The following LONP2 variants were observed in gnomAD, a reference collection of about 807,000 sequenced individuals.
The protein encoded by LONP2 is lon protease homolog 2, peroxisomal.
Under a neutral mutation model 85.6 loss-of-function variants are expected in LONP2, and 60 were observed. The observed-to-expected ratio is 0.70, with a 90% CI of 0.57 to 0.87. The LOEUF is 0.87. LONP2 is among the 40% of genes least tolerant of loss of function. The pLI, the probability that LONP2 is intolerant of heterozygous loss-of-function variation, is 0.00. For synonymous variants in LONP2, 395 were observed against 389.7 expected (o/e 1.01, Z -0.16); for missense variants, 860 against 1,063.5 (o/e 0.81, Z 2.66).
intron 6 of LONP2, among the ~76,000 whole-genome samples, chr16:48,263,224 A>G (rs1002767949): frequency 6.6e-6 from 1 of 152,172 alleles, no homozygotes; most frequent in Non-Finnish European, 1.5e-5. Flanking sequence ...AACATTGAAC[A>G]TAAGGTCTAA....
intron 6 of LONP2, among the ~76,000 whole-genome samples, chr16:48,264,430 T>C (rs556174793): frequency 1.3e-5 from 2 of 152,300 alleles, no homozygotes; most frequent in East Asian, 1.9e-4. Context: ...AGAAGAGAAA[T>C]ATGGCTCTGT....
chr16:48,293,714 A>G (rs943957841), intron 8 of LONP2, among the ~76,000 whole-genome samples: 6 of 152,116 alleles, frequency 3.9e-5, no homozygotes, highest in Admixed American at 6.5e-5. Flanking sequence ...GAGAACAGAT[A>G]CGTATGGGTA....
intron 8 of LONP2, among the ~76,000 whole-genome samples, chr16:48,285,479 T>C (rs1367863633): frequency 2.6e-5 from 4 of 152,252 alleles, no homozygotes; most frequent in Non-Finnish European, 5.9e-5. Context: ...GTGTTGGTAA[T>C]CTTTGTGGAG....
At chr16:48,324,016 T>C (rs1163728337) in intron 11 of LONP2, among the ~76,000 whole-genome samples, 1 of 152,216 alleles carries the variant, frequency 6.6e-6, no homozygotes, top group African/African-American at 2.4e-5. Context: ...GCTGGGAAGA[T>C]GTTGTTTTGG....
chr16:48,248,974 G>T (rs1971550044), intron 1 of LONP2, among the ~76,000 whole-genome samples: 1 of 151,208 alleles, frequency 6.6e-6, no homozygotes, highest in Non-Finnish European at 1.5e-5. Flanking sequence ...ACTTTTTCCA[G>T]TAGTGCTGCT....
chr16:48,351,919 C>G lies in LONP2; in HGVS notation c.*117C>G. On this transcript the variant is annotated 3_prime_UTR_variant, in exon 15 of 15. Coordinates refer to ENST00000285737, the MANE Select transcript of LONP2 (RefSeq NM_031490.5). Reference sequence around the variant, plus strand: ...GATGTCCCTGTTTTATAAACATAATCACAACAGTAATAAACCTCAAGTAGT... The same window carrying G: ...GATGTCCCTGTTTTATAAACATAATGACAACAGTAATAAACCTCAAGTAGT... 1 of 731,586 alleles carries G rather than the reference C, an allele frequency of 1.4e-6. No homozygotes were observed. The highest frequency in any genetic ancestry group is 2.7e-5 in the East Asian group (1 of 37,294). The allele number at this position is 731,586 out of a possible 1,614,324, so 45.3% of individuals were successfully genotyped here.
At chr16:48,258,576 G>T (rs1225605782) in intron 3 of LONP2, 42 bp from the exon 4 acceptor site, 2 of 1,549,950 alleles carry the variant, frequency 1.3e-6, no homozygotes, top group Admixed American at 2.2e-5. Context: ...TGGATTGTGT[G>T]TTTCTGAGAG....
chr16:48,249,785 A>G (rs889806106), intron 1 of LONP2, among the ~76,000 whole-genome samples: 3 of 152,258 alleles, frequency 2.0e-5, no homozygotes, highest in Admixed American at 2.0e-4. Flanking sequence ...GTAAAAAGCA[A>G]TTAAGGCATG....
chr16:48,307,046 T>C (rs1414469544), intron 11 of LONP2, among the ~76,000 whole-genome samples: 2 of 152,212 alleles, frequency 1.3e-5, no homozygotes, highest in African/African-American at 2.4e-5. Context: ...AAACAAACTT[T>C]CTGGAATAGG....
At chr16:48,344,537 A>C (rs1408287621) in intron 12 of LONP2, 1 of 152,212 alleles carries the variant, frequency 6.6e-6, no homozygotes, top group East Asian at 1.9e-4. Context: ...ACAATTTACC[A>C]GTTGCTTCTA....
At chr16:48,293,935 G>T (rs1205873402) in intron 8 of LONP2, among the ~76,000 whole-genome samples, 1 of 152,084 alleles carries the variant, frequency 6.6e-6, no homozygotes, top group African/African-American at 2.4e-5. Flanking sequence ...CAGTTTGTTT[G>T]TTCATTTGTT....
intron 11 of LONP2, among the ~76,000 whole-genome samples, chr16:48,330,233 G>T (rs1014306664): frequency 2.6e-5 from 4 of 152,148 alleles, no homozygotes; most frequent in Non-Finnish European, 5.9e-5. Flanking sequence ...TTAACCATTT[G>T]TTAAGAACCA....
At chr16:48,292,002 G>A (rs79104131) in intron 8 of LONP2, among the ~76,000 whole-genome samples, 1 of 152,336 alleles carries the variant, frequency 6.6e-6, no homozygotes, top group African/African-American at 2.4e-5. Context: ...ATTGGGGAAA[G>A]AGGAAGAAAT....
At chr16:48,308,350 G>A (rs1191895678) in intron 11 of LONP2, among the ~76,000 whole-genome samples, 1 of 152,138 alleles carries the variant, frequency 6.6e-6, no homozygotes, top group South Asian at 2.1e-4. Flanking sequence ...CTCGAGGTTA[G>A]GCTAGGTGGC....
At chr16:48,244,820 A>G (rs188076011) in intron 1 of LONP2, among the ~76,000 whole-genome samples, 199 bp downstream of exon 1, 84 of 152,332 alleles carry the variant, frequency 5.5e-4, no homozygotes, top group African/African-American at 1.9e-3. Context: ...TCGTTCATGA[A>G]GTAGTGCCTG....
chr16:48,261,200 T>C (rs778292752), intron 4 of LONP2, among the ~76,000 whole-genome samples: 2 of 152,184 alleles, frequency 1.3e-5, no homozygotes, highest in Non-Finnish European at 2.9e-5. Flanking sequence ...TGTAAGCATA[T>C]ACCAAAGAAT....
At chr16:48,273,785 T>C (rs1189341416) in intron 7 of LONP2, among the ~76,000 whole-genome samples, 1 of 152,184 alleles carries the variant, frequency 6.6e-6, no homozygotes, top group Admixed American at 6.5e-5. Context: ...AATATATTAT[T>C]GTTATGATAT....
chr16:48,352,036 T>C lies in LONP2; in HGVS notation c.*234T>C. 1 of 540,716 alleles carries C rather than the reference T, an allele frequency of 1.8e-6. No individual in the cohort carries two copies. The highest frequency in any genetic ancestry group is 3.3e-6 in the Non-Finnish European group (1 of 303,670). 33.5% of individuals were successfully genotyped at this position (540,716 alleles called of 1,614,324 possible). The stretch of plus-strand genomic sequence containing the variant: ...TTTTTAGTGGGATCCTTACTGTCCC[T>C]GGAAAGATATAGCATAGTGGTTCTC... On this transcript the variant is annotated 3_prime_UTR_variant, in exon 15 of 15. Transcript: ENST00000285737.
intron 8 of LONP2, 40 bp from the exon 9 acceptor site, chr16:48,295,975 C>A (rs778174733): frequency 6.2e-7 from 1 of 1,602,076 alleles, no homozygotes; most frequent in South Asian, 1.1e-5. Context: ...CTTCTGTTGG[C>A]ACTACTAAAG....
Sources: gnomAD v4.1 joint callset for allele counts (sites outside exome capture counted in the v4.1 genomes callset) on GRCh38, gnomAD v4.1.1 for gene constraint, MANE v1.5 for transcripts, NCBI Gene and HGNC (gene_info 2026-07-23, HGNC 2026-07-21) for gene names.